The following GSAP variants were observed in gnomAD, a reference collection of about 807,000 sequenced individuals.
The protein encoded by GSAP is gamma-secretase-activating protein.
A neutral mutation model predicts 131.7 loss-of-function variants in GSAP; 118 were observed. That is an observed-to-expected ratio of 0.90 (90% CI 0.77 to 1.04). The LOEUF (loss-of-function observed/expected upper bound fraction) is 1.04. GSAP is among the 50% of genes least tolerant of loss of function. The pLI is 0.00. For missense variants in GSAP, 1,019 were observed against 1,013.2 expected (o/e 1.01, Z -0.08); for synonymous variants, 381 against 363.4 (o/e 1.05, Z -0.55).
At chr7:77,342,070 G>A (rs1791018160) in intron 19 of GSAP, among the ~76,000 whole-genome samples, 1 of 152,186 alleles carries the variant, frequency 6.6e-6, no homozygotes, top group Admixed American at 6.5e-5. Context: ...AAATCAGACT[G>A]TCCAACTCGC....
In GSAP at chr7:77,355,237, T is replaced by C; in HGVS notation, c.1314A>G (p.Gln438=). ...AALHCALYCG[Q]GAQFLEAQII... ...CCTGGGCTTCCAGGAACTGCGCACC[T>C]TGACCGCAGTAGAGCGCGCAGTGCA... is the stretch of plus-strand genomic sequence containing the variant. Residue 438 remains glutamine (Q), a synonymous_variant, in exon 16 of 31, where the codon CAA becomes CAG. Coordinates refer to ENST00000257626, the MANE Select transcript of GSAP (RefSeq NM_017439.4). 2.5e-6 allele frequency: 4 copies of C among 1,613,028 alleles called. No homozygotes were observed. Among genetic ancestry groups the C allele is most frequent in the Non-Finnish European group, 3.4e-6 (4 of 1,179,042 alleles).
intron 3 of GSAP, among the ~76,000 whole-genome samples, chr7:77,402,382 A>G (rs1039410240): frequency 7.8e-6 from 1 of 129,008 alleles, no homozygotes; most frequent in African/African-American, 3.0e-5. Flanking sequence ...CATCTCTACT[A>G]AAAAAAAAAA....
intron 14 of GSAP, among the ~76,000 whole-genome samples, chr7:77,359,227 C>A (rs948586589): frequency 3.3e-5 from 5 of 151,932 alleles, no homozygotes; most frequent in African/African-American, 1.2e-4. Flanking sequence ...TATTAATAAT[C>A]TAGTGTCCCT....
intron 15 of GSAP, 21 bp from the exon 16 acceptor site, chr7:77,355,451 A>C: frequency 6.9e-7 from 1 of 1,449,620 alleles, no homozygotes; most frequent in Non-Finnish European, 9.6e-7. Flanking sequence ...AAAAAAAAAC[A>C]GTAGATCAGC....
chr7:77,390,201 T>C (rs1229125184), intron 5 of GSAP, among the ~76,000 whole-genome samples: 1 of 152,148 alleles, frequency 6.6e-6, no homozygotes, highest in Non-Finnish European at 1.5e-5. Flanking sequence ...GTCAGATGAG[T>C]AGGTTGCGAA....
chr7:77,404,229 C>T (rs2151177147), intron 3 of GSAP, among the ~76,000 whole-genome samples: 1 of 152,314 alleles, frequency 6.6e-6, no homozygotes, highest in South Asian at 2.1e-4. Context: ...AAACAAACTG[C>T]CATGGCTCTA....
chr7:77,323,621 TGAG>T (rs1787946030), intron 24 of GSAP, 23 bp downstream of exon 24: 1 of 1,174,830 alleles, frequency 8.5e-7, no homozygotes, highest in Admixed American at 1.8e-5. Context: ...AAGGGGCATA[TGAG>T]GAGAATAAAA....
chr7:77,378,461 G>A (rs545955555), intron 8 of GSAP, among the ~76,000 whole-genome samples: 92 of 151,926 alleles, frequency 6.1e-4, no homozygotes, highest in African/African-American at 2.0e-3. Context: ...TCCAGCCTGG[G>A]TGACAGAGCA....
intron 20 of GSAP, chr7:77,329,705 C>T (rs773290816): frequency 1.1e-4 from 20 of 185,402 alleles, no homozygotes; most frequent in Non-Finnish European, 2.0e-4. Context: ...AACTAGAGCA[C>T]AATATCAAAA....
At chr7:77,364,873 C>A (rs1795050540) in intron 12 of GSAP, among the ~76,000 whole-genome samples, 1 of 152,168 alleles carries the variant, frequency 6.6e-6, no homozygotes, top group East Asian at 1.9e-4. Context: ...CTGTCTTTGA[C>A]AATGGAAATG....
chr7:77,312,744 C>T (rs980313971), intron 28 of GSAP, among the ~76,000 whole-genome samples: 14 of 152,274 alleles, frequency 9.2e-5, no homozygotes, highest in East Asian at 1.9e-4. Flanking sequence ...CAGAGCAGGG[C>T]GATTAGGTCC....
intron 9 of GSAP, 42 bp from the exon 10 acceptor site, chr7:77,376,949 A>G (rs773810877): frequency 2.6e-5 from 29 of 1,125,768 alleles, no homozygotes; most frequent in Non-Finnish European, 3.8e-5. Context: ...AACCAGGAAA[A>G]AAAGAAAAGG....
chr7:77,407,026 G>A (rs1025000862), intron 1 of GSAP, among the ~76,000 whole-genome samples: 4 of 152,132 alleles, frequency 2.6e-5, no homozygotes, highest in African/African-American at 7.2e-5. Context: ...GCTGGCCAGC[G>A]GGGCCTGAAT....
chr7:77,363,803 A>C (rs372605938), intron 12 of GSAP, among the ~76,000 whole-genome samples: 2 of 152,336 alleles, frequency 1.3e-5, no homozygotes, highest in East Asian at 3.9e-4. Flanking sequence ...TATTAGATGT[A>C]AAATGACTGT....
At chr7:77,312,022 G>T in intron 29 of GSAP, 79 bp downstream of exon 29, 1 of 1,171,744 alleles carries the variant, frequency 8.5e-7, no homozygotes. Context: ...AACTGTAATT[G>T]CTGTCCATAC....
At chr7:77,350,166 C>T (rs997047783) in intron 18 of GSAP, among the ~76,000 whole-genome samples, 3 of 149,598 alleles carry the variant, frequency 2.0e-5, no homozygotes, top group East Asian at 2.0e-4. Flanking sequence ...AGTAAACTAT[C>T]GCAAGGACAA....
intron 23 of GSAP, among the ~76,000 whole-genome samples, chr7:77,326,004 T>C (rs1005439927): frequency 3.3e-5 from 5 of 152,332 alleles, no homozygotes; most frequent in Non-Finnish European, 5.9e-5. Context: ...GTGATGCATG[T>C]GTGTCTTCCC....
At chr7:77,388,267 C>T (rs1029227255) in intron 5 of GSAP, among the ~76,000 whole-genome samples, 11 of 152,220 alleles carry the variant, frequency 7.2e-5, no homozygotes, top group African/African-American at 2.4e-4. Flanking sequence ...TAAACAAACA[C>T]AGTGCGATTC....
At chr7:77,389,304 T>C (rs1207729748) in intron 5 of GSAP, among the ~76,000 whole-genome samples, 1 of 150,052 alleles carries the variant, frequency 6.7e-6, no homozygotes, top group South Asian at 2.1e-4. Flanking sequence ...TATATATATA[T>C]TTTTTGTTTG....
Sources: allele counts gnomAD v4.1 joint callset (sites outside exome capture counted in the v4.1 genomes callset), GRCh38; gene constraint gnomAD v4.1.1; transcripts MANE v1.5; gene names NCBI Gene and HGNC (gene_info 2026-07-23, HGNC 2026-07-21).